Variants in AIFM2 observed in about 807,000 individuals in gnomAD.
The protein encoded by AIFM2 is ferroptosis suppressor protein 1.
Under a neutral mutation model 35.7 loss-of-function variants are expected in AIFM2, and 38 were observed. The observed-to-expected ratio is 1.06, with a 90% CI of 0.82 to 1.39. The LOEUF (loss-of-function observed/expected upper bound fraction) is 1.39. AIFM2 is among the 40% of genes most tolerant of loss of function. The pLI, the probability that AIFM2 is intolerant of heterozygous loss-of-function variation, is 0.00. For missense variants in AIFM2, 476 were observed against 491.2 expected (o/e 0.97, Z 0.29); for synonymous variants, 185 against 203.5 (o/e 0.91, Z 0.77).
intron 8 of AIFM2, 131 bp downstream of exon 8, chr10:70,114,789 C>T (rs1480119665): frequency 8.4e-7 from 1 of 1,184,934 alleles, no homozygotes; most frequent in Non-Finnish European, 1.2e-6. Flanking sequence ...TTAAAGAGCT[C>T]TAAGGGGATG....
In AIFM2 at chr10:70,113,993, G is replaced by C. The variant is rs1026492598; in HGVS notation, c.*185C>G. 6 of 719,866 alleles carry C rather than the reference G, an allele frequency of 8.3e-6. No homozygotes were observed. Among genetic ancestry groups the C allele is most frequent in the Non-Finnish European group, 1.3e-5 (6 of 458,912 alleles). 44.6% of individuals were successfully genotyped at this position (719,866 alleles called of 1,614,324 possible). A position where few individuals can be genotyped will look rare whatever the true frequency, so the allele number is the denominator to read the frequency against. Reference sequence around the variant, plus strand: ...AACCCAGAAAGTATCCTCTAAGGGGGGTATTTGTTTAATACCTCTCTCTCT... The same window carrying C: ...AACCCAGAAAGTATCCTCTAAGGGGCGTATTTGTTTAATACCTCTCTCTCT... On this transcript the variant is annotated 3_prime_UTR_variant, in exon 9 of 9. Transcript: ENST00000307864.
In AIFM2 at chr10:70,121,113, G is replaced by A. The variant is rs762674392; in HGVS notation, c.393C>T (p.Ala131=). 14 of 1,611,494 alleles carry A rather than the reference G, an allele frequency of 8.7e-6. No individual in the cohort carries two copies. In the East Asian group the frequency reaches 2.9e-4, roughly 33 times the overall value. The change falls in exon 4 of 9, where the codon GCC becomes GCT. Residue 131 remains alanine (A), a synonymous_variant. Transcript: ENST00000307864. ...EVSSQQAAIQ[A]YEDMVRQVQR... is the part of the protein sequence containing the mutation. The stretch of plus-strand genomic sequence containing the variant: ...TCACCTGCCTCACCATGTCCTCATA[G>A]GCCTGGATAGCGGCCTGCTGGCTGG...
chr10:70,130,513 G>A (rs2072616637), intron 1 of AIFM2, among the ~76,000 whole-genome samples: 1 of 152,154 alleles, frequency 6.6e-6, no homozygotes, highest in Non-Finnish European at 1.5e-5. Flanking sequence ...TTTCCTGGCT[G>A]AAAAACAGTC....
At position 70,116,649 on chromosome 10, in the gene AIFM2, T is replaced by G; in HGVS notation, c.742A>C (p.Asn248His). The G allele has an allele frequency of 6.2e-7, 1 of 1,614,032 alleles. No individual in the cohort carries two copies. ...AACGCTTTGCGGTAGGCGGAGCTGT[T>G]GATCTTGATGCCGGTGCAGAGAATC... The part of the protein sequence containing the change: ...LVILCTGIKI[N>H]SSAYRKAFES... Residue 248 changes from asparagine (N) to histidine (H), a missense_variant, in exon 7 of 9, where the codon AAC becomes CAC. Coordinates refer to ENST00000307864, the MANE Select transcript of AIFM2 (RefSeq NM_032797.6).
intron 1 of AIFM2, among the ~76,000 whole-genome samples, chr10:70,124,840 C>G (rs1280574699): frequency 6.6e-6 from 1 of 152,194 alleles, no homozygotes; most frequent in African/African-American, 2.4e-5. Context: ...AGGTCCAGGT[C>G]TAAGGAGGTC....
At chr10:70,125,663 G>T (rs952862658) in intron 1 of AIFM2, among the ~76,000 whole-genome samples, 3 of 151,646 alleles carry the variant, frequency 2.0e-5, no homozygotes, top group African/African-American at 4.8e-5. Context: ...AGAGATGGGG[G>T]TCTCCTTTTG....
intron 3 of AIFM2, among the ~76,000 whole-genome samples, chr10:70,122,024 A>G (rs977021798): frequency 6.6e-6 from 1 of 152,086 alleles, no homozygotes; most frequent in Non-Finnish European, 1.5e-5. Context: ...CCTGGGAGGC[A>G]GAGGTTGTGG....
In AIFM2 at chr10:70,120,487, G is replaced by A; in HGVS notation, c.507+20C>T. 1 of 1,613,890 alleles carries A rather than the reference G, an allele frequency of 6.2e-7. No homozygotes were observed. Among genetic ancestry groups the A allele is most frequent in the Non-Finnish European group, 8.5e-7 (1 of 1,179,770 alleles). On this transcript the variant is annotated intron_variant, in intron 5 of 8. Coordinates refer to ENST00000307864, the MANE Select transcript of AIFM2 (RefSeq NM_032797.6). The stretch of plus-strand genomic sequence containing the variant: ...AAAAGCCAACCACTTAGAGCTCCAA[G>A]GCAAGGCAGCCTGGCTCACCTCTTT...
rs964047545 is a variant in AIFM2 at position 70,123,991 on chromosome 10, C to A, written c.94G>T (p.Ala32Ser). ...ACCAGCATGAAGGGGACGTTCAGGG[C>A]CTGCAGCTGGCTGGCTGCTGCGATC... ...GGIAAASQLQALNVPFMLVDM... is the reference protein window; with the variant it reads ...GGIAAASQLQSLNVPFMLVDM... The change falls in exon 2 of 9, where the codon GCC becomes TCC. Residue 32 changes from alanine to serine, a missense_variant. Transcript: ENST00000307864. The A allele has an allele frequency of 1.2e-6, 2 of 1,613,234 alleles. No homozygotes were observed. The highest frequency in any genetic ancestry group is 1.7e-6 in the Non-Finnish European group (2 of 1,179,560).
At position 70,131,338 on chromosome 10, in the gene AIFM2, T is replaced by C. The variant is rs1194355261; in HGVS notation, c.-14+1396A>G. 1.3e-5 allele frequency among the ~76,000 whole-genome samples: 2 copies of C among 152,130 alleles called. No individual in the cohort carries two copies. Among genetic ancestry groups the C allele is most frequent in the Non-Finnish European group, 2.9e-5 (2 of 68,026 alleles). On this transcript the variant is annotated intron_variant, in intron 1 of 8. Coordinates refer to ENST00000307864, the MANE Select transcript of AIFM2 (RefSeq NM_032797.6). This position sits in a 1 kb window ranked among gnomAD's most constrained non-coding sequence, Gnocchi z 4.1. ...GACTCACAGCACCATGGAGGTTTCC[T>C]CCACCTGCGGGACACAGCAGGATGG...
At chr10:70,120,120 AG>A (rs1461294183) in intron 5 of AIFM2, among the ~76,000 whole-genome samples, 6 of 152,224 alleles carry the variant, frequency 3.9e-5, no homozygotes, top group African/African-American at 1.2e-4. Flanking sequence ...TGCCAGCAAG[AG>A]GTAATCAAAT....
Position 70,129,357 on chromosome 10 carries a change from T to TTA in AIFM2, c.-14+3375_-14+3376dup, listed in dbSNP as rs142107338. ...GCAATGAATACACAGCAGCCACGTT[T>TTA]TATATATATATATATAAAATATATG... On this transcript the variant is annotated intron_variant, in intron 1 of 8. Transcript: ENST00000307864. 5.1e-4 allele frequency among the ~76,000 whole-genome samples: 77 copies of TTA among 150,778 alleles called. 1 individual carries two copies. The highest frequency in any genetic ancestry group is 1.7e-3 in the South Asian group (8 of 4,774).
intron 7 of AIFM2, 93 bp downstream of exon 7, chr10:70,116,529 G>A: frequency 1.3e-6 from 2 of 1,488,860 alleles, no homozygotes; most frequent in Admixed American, 1.7e-5. Context: ...AAGGCAGCAA[G>A]GTGTGGACTC....
In AIFM2 at chr10:70,115,035, G is replaced by A; in HGVS notation, c.855C>T (p.Asp285=). 6.2e-7 allele frequency: 1 copy of A among 1,614,234 alleles called. No homozygotes were observed. The highest frequency in any genetic ancestry group is 8.5e-7 in the Non-Finnish European group (1 of 1,180,040). ...TCTTGGGCGTCCTCACGTCGGCACA[G>A]TCACCAATGGCGTAGACGTTGCTGT... is the stretch of plus-strand genomic sequence containing the variant. ...EGHSNVYAIG[D]CADVRTPKMA... Residue 285 remains aspartate (D), a synonymous_variant, in exon 8 of 9, where the codon GAC becomes GAT. Transcript: ENST00000307864.
intron 3 of AIFM2, among the ~76,000 whole-genome samples, chr10:70,122,882 A>G (rs934382682): frequency 1.3e-5 from 2 of 152,184 alleles, no homozygotes; most frequent in Non-Finnish European, 2.9e-5. Context: ...AAAGGCTACA[A>G]ACAGGGCCTG....
chr10:70,125,248 G>T (rs968308226), intron 1 of AIFM2, among the ~76,000 whole-genome samples: 8 of 152,078 alleles, frequency 5.3e-5, no homozygotes, highest in African/African-American at 1.9e-4. Context: ...CTGTGATCAT[G>T]GAGTAGGAAG....
At chr10:70,115,426 T>G (rs1181832303) in intron 7 of AIFM2, among the ~76,000 whole-genome samples, 1 of 152,244 alleles carries the variant, frequency 6.6e-6, no homozygotes, top group East Asian at 1.9e-4. Context: ...CAAGTTACAA[T>G]GATCAGCTGA....
chr10:70,122,858 C>G (rs950858680), intron 3 of AIFM2, among the ~76,000 whole-genome samples: 7 of 152,178 alleles, frequency 4.6e-5, no homozygotes, highest in Non-Finnish European at 1.0e-4. Flanking sequence ...GGTAAACATT[C>G]ATGAGACTTA....
intron 3 of AIFM2, among the ~76,000 whole-genome samples, chr10:70,122,103 A>T (rs539027835): frequency 1.2e-4 from 19 of 152,220 alleles, no homozygotes; most frequent in South Asian, 4.1e-4. Flanking sequence ...AAAAACAATT[A>T]AAAAAATTTT....
Sources: allele counts gnomAD v4.1 joint callset (sites outside exome capture counted in the v4.1 genomes callset), GRCh38; gene constraint gnomAD v4.1.1; non-coding constraint Gnocchi (gnomAD v3.1); transcripts MANE v1.5; gene names NCBI Gene and HGNC (gene_info 2026-07-23, HGNC 2026-07-21).